Variants in MMP1 observed in about 807,000 individuals in gnomAD.
MMP1 encodes the protein matrix metallopeptidase 1, also known as interstitial collagenase.
MMP1 carries 51 observed loss-of-function variants against 49.6 expected under a neutral mutation model. The ratio of observed to expected loss-of-function variants is 1.03; its 90% CI spans 0.82 to 1.30. The LOEUF (loss-of-function observed/expected upper bound fraction) is 1.30. MMP1 is among the 50% of genes most tolerant of loss of function. The pLI, the probability that MMP1 is intolerant of heterozygous loss-of-function variation, is 0.00. For missense variants in MMP1, 623 were observed against 568.7 expected (o/e 1.10, Z -0.97); for synonymous variants, 230 against 196.8 (o/e 1.17, Z -1.41).
chr11:102,797,331 C>T lies in MMP1; in HGVS notation c.275G>A (p.Cys92Tyr). The part of the protein sequence containing the change: ...ETLKVMKQPR[C>Y]GVPDVAQFVL... ...AAACTGAGCCACATCAGGCACTCCA[C>T]ATCTGGGCTGCTTCATCACCTTCAG... The change falls in exon 2 of 10, where the codon TGT (cysteine) becomes TAT (tyrosine). Residue 92 changes from cysteine (C) to tyrosine (Y), a missense_variant. Coordinates refer to ENST00000315274, the MANE Select transcript of MMP1 (RefSeq NM_002421.4). The T allele has an allele frequency of 6.2e-7, 1 of 1,614,196 alleles. No homozygotes were observed. The highest frequency in any genetic ancestry group is 8.5e-7 in the Non-Finnish European group (1 of 1,180,044).
chr11:102,797,238 G>T lies in MMP1; in HGVS notation c.350+18C>A. 6.2e-7 allele frequency: 1 copy of T among 1,613,946 alleles called. No homozygotes were observed. Among genetic ancestry groups the T allele is most frequent in the Non-Finnish European group, 8.5e-7 (1 of 1,179,866 alleles). ...TCATGGGAAATAGCTCTCTCACTCT[G>T]GCCCTCAGTCTGCCTACCTGTAGGT... On this transcript the variant is annotated intron_variant, in intron 2 of 9. Coordinates refer to ENST00000315274, the MANE Select transcript of MMP1 (RefSeq NM_002421.4).
Position 102,790,779 on chromosome 11 carries a change from A to T in MMP1, c.1224T>A (p.Asp408Glu), listed in dbSNP as rs1248745895. Residue 408 changes from aspartate to glutamate, a missense_variant, in exon 9 of 10, where the codon GAT (aspartate) becomes GAA (glutamate). Physicochemically the swap from Asp to Glu is conservative, Grantham distance 45. Coordinates refer to ENST00000315274, the MANE Select transcript of MMP1 (RefSeq NM_002421.4). ...GTGCTATCATTTTGGGATAACCTGG[A>T]TCCATAGATCGTTTATATTCATCAT... ...WRYDEYKRSM[D>E]PGYPKMIAHD... 1 of 1,612,460 alleles carries T rather than the reference A, an allele frequency of 6.2e-7. No homozygotes were observed. Among genetic ancestry groups the T allele is most frequent in the South Asian group, 1.1e-5 (1 of 91,038 alleles).
chr11:102,794,829 A>G lies in MMP1; in HGVS notation c.899+345T>C, dbSNP rs977550336. On this transcript the variant is annotated intron_variant, in intron 6 of 9. Transcript: ENST00000315274. The surrounding 1 kb of genome is among the most constrained non-coding windows in gnomAD (Gnocchi z 4.3). Reference sequence around the variant, plus strand: ...AGTGGCATAATGAAAAGAGACCTGAAATAGGGAACAGAAGACCAATAACTG... The same window carrying G: ...AGTGGCATAATGAAAAGAGACCTGAGATAGGGAACAGAAGACCAATAACTG... Among the ~76,000 whole-genome samples the G allele has an allele frequency of 9.2e-5, 14 of 152,286 alleles. No homozygotes were observed. The highest frequency in any genetic ancestry group is 3.1e-4 in the African/African-American group (13 of 41,558).
At chr11:102,792,448 C>G (rs1044337050) in intron 7 of MMP1, among the ~76,000 whole-genome samples, 157 bp downstream of exon 7, 1 of 152,116 alleles carries the variant, frequency 6.6e-6, no homozygotes, top group Non-Finnish European at 1.5e-5. Flanking sequence ...CGCTACGCAC[C>G]GTTTAGTTAA....
rs772120963 is a variant in MMP1, at chr11:102,797,460, C to T, written c.146G>A (p.Arg49Lys). ...ACTATTTCTCCGCTTTTCAACTTGCCTCCCATCATTCTTCAGGTTGTAGTA... is the reference window on the plus strand; with the variant it reads ...ACTATTTCTCCGCTTTTCAACTTGCTTCCCATCATTCTTCAGGTTGTAGTA... ...EKYYNLKNDG[R>K]QVEKRRNSGP... The change falls in exon 2 of 10, where the codon AGG (arginine) becomes AAG (lysine). Residue 49 changes from arginine (R) to lysine (K), a missense_variant. Transcript: ENST00000315274. The T allele has an allele frequency of 2.0e-5, 33 of 1,614,076 alleles. No homozygotes were observed. Among genetic ancestry groups the T allele is most frequent in the Non-Finnish European group, 2.6e-5 (31 of 1,180,034 alleles).
rs141541015 is a variant in MMP1 at position 102,790,806 on chromosome 11, C to T, written c.1197G>A (p.Arg399=). 56 of 1,579,326 alleles carry T rather than the reference C, an allele frequency of 3.5e-5. No individual in the cohort carries two copies. The African/African-American group carries it at 6.6e-4, about 19-fold the overall frequency. The change falls in exon 9 of 10, where the codon AGG becomes AGA. Residue 399 remains arginine (R), a splice_region_variant and synonymous_variant. Transcript: ENST00000315274. ...TYFFVANKYW[R]YDEYKRSMDP... is the part of the protein sequence containing the mutation. ...CCATAGATCGTTTATATTCATCATA[C>T]CTGGTCAGAAAAGAGTTAAGAGTGT... is the stretch of plus-strand genomic sequence containing the variant.
chr11:102,796,231 G>A (rs17885595), intron 4 of MMP1, among the ~76,000 whole-genome samples: 16,111 of 152,270 alleles, frequency 0.11, 1,140 homozygotes, highest in Middle Eastern at 0.21. Context: ...TTACAGGCAT[G>A]AGCCACTGCG....
In MMP1 at chr11:102,795,518, T is replaced by G. The variant is rs748779591; in HGVS notation, c.715A>C (p.Ser239Arg). Residue 239 changes from serine to arginine, a missense_variant, in exon 5 of 10, where the codon AGC (serine) becomes CGC (arginine). Ser to Arg is a moderately radical substitution (Grantham distance 110, BLOSUM62 -1). Transcript: ENST00000315274. ...TGAACATCACCACTGAAGGTGTAGCTAGGGTACATCAAAGCCCCGATATCA... is the reference window on the plus strand; with the variant it reads ...TGAACATCACCACTGAAGGTGTAGCGAGGGTACATCAAAGCCCCGATATCA... ...STDIGALMYPSYTFSGDVQLA... is the reference protein window; with the variant it reads ...STDIGALMYPRYTFSGDVQLA... 2 of 1,613,992 alleles carry G rather than the reference T, an allele frequency of 1.2e-6. No individual in the cohort carries two copies. The highest frequency in any genetic ancestry group is 2.2e-5 in the South Asian group (2 of 91,078).
At chr11:102,790,682 A>C in intron 9 of MMP1, 21 bp downstream of exon 9, 1 of 1,514,536 alleles carries the variant, frequency 6.6e-7, no homozygotes, top group Non-Finnish European at 9.2e-7. Context: ...AAATGGAGGA[A>C]ATACATGTAT....
rs373359360 is a variant in MMP1, at chr11:102,790,810, G to T, written c.1197-4C>A. 5 of 1,556,998 alleles carry T rather than the reference G, an allele frequency of 3.2e-6. No homozygotes were observed. The highest frequency in any genetic ancestry group is 1.1e-5 in the South Asian group (1 of 89,426). ...AGATCGTTTATATTCATCATACCTG[G>T]TCAGAAAAGAGTTAAGAGTGTCAGA... On this transcript the variant is annotated splice_region_variant and splice_polypyrimidine_tract_variant and intron_variant, in intron 8 of 9. Transcript: ENST00000315274.
chr11:102,796,811 A>G (rs1858205773), intron 3 of MMP1, 22 bp from the exon 4 acceptor site: 20 of 1,609,576 alleles, frequency 1.2e-5, no homozygotes, highest in Non-Finnish European at 1.7e-5. Flanking sequence ...AATTCAACAA[A>G]GATTCCTTGT....
rs1858113174 is a variant in MMP1 at position 102,794,194 on chromosome 11, A to G, written c.899+980T>C. Among the ~76,000 whole-genome samples the G allele has an allele frequency of 6.6e-6, 1 of 152,218 alleles. No homozygotes were observed. The highest frequency in any genetic ancestry group is 1.5e-5 in the Non-Finnish European group (1 of 68,048). ...CCAGCCTTATCTTTTACACTTAAAAAGTAAAGAGAGGGCAGAAAGAATTAT... is the reference window on the plus strand; with the variant it reads ...CCAGCCTTATCTTTTACACTTAAAAGGTAAAGAGAGGGCAGAAAGAATTAT... On this transcript the variant is annotated intron_variant, in intron 6 of 9. Transcript: ENST00000315274. This position sits in a 1 kb window ranked among gnomAD's most constrained non-coding sequence, Gnocchi z 4.3.
rs778660009 is a variant in MMP1, at chr11:102,795,590, C to A, written c.643G>T (p.Val215Phe). The change falls in exon 5 of 10, where the codon GTT (valine) becomes TTT (phenylalanine). Residue 215 changes from valine to phenylalanine, a missense_variant. Coordinates refer to ENST00000315274, the MANE Select transcript of MMP1 (RefSeq NM_002421.4). ...GAATGGCCGAGTTCATGAGCTGCAA[C>A]ACGATGTAAGTTGTACTCTAAAAAG... ...NNFREYNLHR[V>F]AAHELGHSLG... 2 of 1,612,302 alleles carry A rather than the reference C, an allele frequency of 1.2e-6. No individual in the cohort carries two copies. The highest frequency in any genetic ancestry group is 1.7e-5 in the Admixed American group (1 of 59,484).
rs117105447 is a variant in MMP1 at position 102,790,433 on chromosome 11, C to T, written c.1389G>A (p.Trp463Ter). Residue 463 changes from tryptophan (W) to a stop codon, truncating the protein, a stop_gained, in exon 10 of 10, where the codon TGG (tryptophan) becomes TGA (stop). Transcript: ENST00000315274. LOFTEE classifies it high-confidence loss of function. ...RILTLQKANS[W>*]FNCRKN ...ATGTTCAATTTTTCCTGCAGTTGAA[C>T]CAGCTATTAGCTTTCTGGAGAGTCA... 6.0e-4 allele frequency: 956 copies of T among 1,606,580 alleles called. 2 individuals are homozygous for T. The highest frequency in any genetic ancestry group is 7.3e-4 in the Non-Finnish European group (863 of 1,174,800).
chr11:102,790,156 G>T lies in MMP1; in HGVS notation c.*256C>A. ...GTTGCATACTCTGGAAAAGATCTTT[G>T]CAACTCTGGCCTATATGAATCCATA... On this transcript the variant is annotated 3_prime_UTR_variant, in exon 10 of 10. Transcript: ENST00000315274. 1 of 271,606 alleles carries T rather than the reference G, an allele frequency of 3.7e-6. No individual in the cohort carries two copies. Among genetic ancestry groups the T allele is most frequent in the Non-Finnish European group, 6.9e-6 (1 of 145,380 alleles). 16.8% of individuals were successfully genotyped at this position (271,606 alleles called of 1,614,324 possible).
chr11:102,797,147 C>T lies in MMP1; in HGVS notation c.366G>A (p.Thr122=), dbSNP rs149654066. The T allele has an allele frequency of 3.5e-5, 57 of 1,614,074 alleles. No individual in the cohort carries two copies. The Admixed American group carries it at 4.5e-4, about 13-fold the overall frequency. Residue 122 remains threonine (T), a synonymous_variant, in exon 3 of 10, where the codon ACG becomes ACA. Transcript: ENST00000315274. ...THLTYRIENY[T]PDLPRADVDH... is the part of the protein sequence containing the mutation. ...CCACATCTGCTCTTGGCAAATCTGG[C>T]GTGTAATTTTCAATCCTTAGAATGA... is the stretch of plus-strand genomic sequence containing the variant.
chr11:102,792,537 A>C, intron 7 of MMP1, 68 bp downstream of exon 7: 1 of 1,495,960 alleles, frequency 6.7e-7, no homozygotes, highest in Non-Finnish European at 9.2e-7. Flanking sequence ...TAGTAACCTT[A>C]TATCTCAGCC....
rs761955087 is a variant in MMP1, at chr11:102,795,551, G to T, written c.682C>A (p.His228Asn). The change falls in exon 5 of 10, where the codon CAT becomes AAT. Residue 228 changes from histidine (H) to asparagine (N), a missense_variant. Transcript: ENST00000315274. ...ATCAAAGCCCCGATATCAGTAGAAT[G>T]GGAGAGTCCAAGAGAATGGCCGAGT... Reference protein sequence around the residue: ...HELGHSLGLSHSTDIGALMYP... With the variant: ...HELGHSLGLSNSTDIGALMYP... 1.6e-5 allele frequency: 26 copies of T among 1,613,908 alleles called. No individual in the cohort carries two copies. In the South Asian group the frequency reaches 2.6e-4, roughly 16 times the overall value.
Position 102,796,680 on chromosome 11 carries a change from C to T in MMP1, c.609G>A (p.Trp203Ter). Residue 203 changes from tryptophan (W) to a stop codon, truncating the protein, a stop_gained, in exon 4 of 10, where the codon TGG (tryptophan) becomes TGA (stop). Transcript: ENST00000315274. LOFTEE classifies it high-confidence loss of function. The part of the protein sequence containing the change: ...GDAHFDEDER[W>*]TNNFREYNLH... ...TTGGCTTACCTCTGAAATTGTTGGT[C>T]CACCTTTCATCTTCATCAAAATGAG... 6.2e-7 allele frequency: 1 copy of T among 1,613,434 alleles called. No individual in the cohort carries two copies. The highest frequency in any genetic ancestry group is 1.7e-4 in the Middle Eastern group (1 of 6,060).
Sources: allele counts gnomAD v4.1 joint callset (sites outside exome capture counted in the v4.1 genomes callset), GRCh38; gene constraint gnomAD v4.1.1; non-coding constraint Gnocchi (gnomAD v3.1); transcripts MANE v1.5; gene names NCBI Gene and HGNC (gene_info 2026-07-23, HGNC 2026-07-21).